ZDHHC15: variants seen among roughly 807,000 people sequenced by gnomAD.
ZDHHC15 encodes palmitoyltransferase ZDHHC15.
A neutral mutation model predicts 31.7 loss-of-function variants in ZDHHC15; 19 were observed. The observed-to-expected ratio is 0.60, with a 90% CI of 0.42 to 0.88. ZDHHC15 has a LOEUF of 0.88. Ranked by LOEUF, ZDHHC15 falls within the 40% of genes least tolerant of loss-of-function variation. The probability of loss-of-function intolerance (pLI) is 0.00; values close to 1 mark genes in which losing one functional copy is unlikely to be tolerated. For synonymous variants in ZDHHC15, 103 were observed against 90.0 expected (o/e 1.14, Z -0.82); for missense variants, 209 against 251.2 (o/e 0.83, Z 1.14).
chrX:75,453,627 T>A (rs1361998471), intron 3 of ZDHHC15, among the ~76,000 whole-genome samples: 1 of 110,807 alleles, frequency 9.0e-6, no homozygotes, highest in Non-Finnish European at 1.9e-5. Flanking sequence ...AATATCGATG[T>A]GAAAATCCTC....
Position 75,510,320 on chromosome X carries a change from TACA to T in ZDHHC15, c.137-4476_137-4474del, listed in dbSNP as rs1347863204. 2.1e-4 allele frequency among the ~76,000 whole-genome samples: 23 copies of T among 111,001 alleles called. No homozygotes were observed. In the East Asian group the frequency reaches 2.3e-3, roughly 11 times the overall value. On this transcript the variant is annotated intron_variant, in intron 1 of 11. Coordinates refer to ENST00000373367, the MANE Select transcript of ZDHHC15 (RefSeq NM_144969.3). ...CATTGGAGTTATATTAGGCATTTGT[TACA>T]ACAAGTTACTAGTCAGGTGTGATGA...
intron 4 of ZDHHC15, among the ~76,000 whole-genome samples, chrX:75,437,132 C>T (rs949830231): frequency 1.8e-5 from 2 of 111,140 alleles, no homozygotes; most frequent in Non-Finnish European, 3.8e-5. Context: ...CCGCCCGCCC[C>T]GGCCACCCAA....
At chrX:75,393,959 AT>A (rs1056914610) in intron 10 of ZDHHC15, among the ~76,000 whole-genome samples, 1 of 110,756 alleles carries the variant, frequency 9.0e-6, no homozygotes, top group Non-Finnish European at 1.9e-5. Context: ...ATCTTTTCAC[AT>A]TTTTTTGCCT....
chrX:75,517,743 T>C (rs185530515), intron 1 of ZDHHC15, among the ~76,000 whole-genome samples: 1 of 108,789 alleles, frequency 9.2e-6, no homozygotes, highest in African/African-American at 3.4e-5. Context: ...ATAATAATAA[T>C]AAAATTTTAA....
chrX:75,412,028 C>A (rs1010276562), intron 10 of ZDHHC15, among the ~76,000 whole-genome samples: 4 of 111,721 alleles, frequency 3.6e-5, no homozygotes, highest in Non-Finnish European at 7.5e-5. Context: ...AAAGGATGCT[C>A]AACATCACCA....
At chrX:75,376,212 G>C (rs2147746908) in intron 11 of ZDHHC15, among the ~76,000 whole-genome samples, 1 of 107,757 alleles carries the variant, frequency 9.3e-6, no homozygotes, top group South Asian at 4.0e-4. Flanking sequence ...GTCTTCATTT[G>C]AGAAACGTCT....
At chrX:75,451,951 T>G (rs189905175) in intron 3 of ZDHHC15, among the ~76,000 whole-genome samples, 1 of 111,418 alleles carries the variant, frequency 9.0e-6, no homozygotes, top group African/African-American at 3.3e-5. Context: ...AGACCATCGA[T>G]GCTAGGAAGA....
chrX:75,460,577 AG>A (rs1032519680), intron 3 of ZDHHC15, among the ~76,000 whole-genome samples: 2 of 110,653 alleles, frequency 1.8e-5, no homozygotes, highest in African/African-American at 6.6e-5. Context: ...GAGGTTCCAG[AG>A]GAAAGAGAAG....
rs1413078783 is a variant in ZDHHC15, at chrX:75,400,898, G to A, written c.967+16189C>T. Reference sequence around the variant, plus strand: ...GCCAAACTAAGCTTCCTAAGTGAAGGAGAAATAAGATCCTTTTCAGATAAG... The same window carrying A: ...GCCAAACTAAGCTTCCTAAGTGAAGAAGAAATAAGATCCTTTTCAGATAAG... On this transcript the variant is annotated intron_variant, in intron 10 of 11. Coordinates refer to ENST00000373367, the MANE Select transcript of ZDHHC15 (RefSeq NM_144969.3). Among the ~76,000 whole-genome samples, 4 of 111,584 alleles carry A rather than the reference G, an allele frequency of 3.6e-5. 1 individual carries two copies. The Admixed American group carries it at 3.8e-4, about 11-fold the overall frequency.
At chrX:75,517,960 G>A (rs1401394927) in intron 1 of ZDHHC15, among the ~76,000 whole-genome samples, 7 of 107,733 alleles carry the variant, frequency 6.5e-5, no homozygotes, top group East Asian at 2.9e-4. Flanking sequence ...GTGAGGTCCC[G>A]TATCAAAAAC....
intron 4 of ZDHHC15, among the ~76,000 whole-genome samples, chrX:75,444,310 C>G (rs1396621502): frequency 9.2e-6 from 1 of 108,663 alleles, no homozygotes; most frequent in Admixed American, 9.9e-5. Context: ...GAGTTCATGT[C>G]CTTTGTAGGG....
At chrX:75,479,764 T>A (rs2084660340) in intron 2 of ZDHHC15, among the ~76,000 whole-genome samples, 1 of 111,813 alleles carries the variant, frequency 8.9e-6, no homozygotes, top group African/African-American at 3.2e-5. Flanking sequence ...CATGAGGTAT[T>A]TGTCTTTCTG....
At chrX:75,426,443 CTT>C (rs1309778487) in intron 7 of ZDHHC15, among the ~76,000 whole-genome samples, 3 of 101,451 alleles carry the variant, frequency 3.0e-5, no homozygotes, top group African/African-American at 7.1e-5. Flanking sequence ...TCTTCTTAAA[CTT>C]TTTTTTTTTT....
chrX:75,433,523 T>A (rs1249363716), intron 4 of ZDHHC15, among the ~76,000 whole-genome samples: 1 of 109,976 alleles, frequency 9.1e-6, no homozygotes, highest in Non-Finnish European at 1.9e-5. Flanking sequence ...ATTGAAAACA[T>A]ATGATATTAG....
intron 1 of ZDHHC15, among the ~76,000 whole-genome samples, chrX:75,520,409 T>C (rs1045111601): frequency 4.5e-5 from 5 of 112,034 alleles, no homozygotes; most frequent in African/African-American, 9.7e-5. Flanking sequence ...CATATAGTTA[T>C]TGTGATGATT....
chrX:75,494,660 C>T (rs181421834), intron 2 of ZDHHC15, among the ~76,000 whole-genome samples: 1 of 112,057 alleles, frequency 8.9e-6, no homozygotes, highest in Non-Finnish European at 1.9e-5. Context: ...TTTGACAAAC[C>T]TGACAAAAAC....
intron 11 of ZDHHC15, among the ~76,000 whole-genome samples, chrX:75,376,095 C>A (rs1331002628): frequency 2.7e-5 from 3 of 110,907 alleles, no homozygotes; most frequent in Non-Finnish European, 5.7e-5. Context: ...TAATAATAGC[C>A]ATTCTGACTG....
chrX:75,407,218 C>A (rs1038953252), intron 10 of ZDHHC15, among the ~76,000 whole-genome samples: 1 of 111,436 alleles, frequency 9.0e-6, no homozygotes, highest in South Asian at 3.8e-4. Context: ...TCTGCCCGAC[C>A]GCCACCCCAT....
intron 3 of ZDHHC15, among the ~76,000 whole-genome samples, chrX:75,477,278 T>C (rs1477866121): frequency 1.8e-5 from 2 of 111,615 alleles, no homozygotes; most frequent in Non-Finnish European, 3.8e-5. Flanking sequence ...TGGCCTAATA[T>C]ATGGTCTATA....
Sources: gnomAD v4.1 joint callset for allele counts (sites outside exome capture counted in the v4.1 genomes callset) on GRCh38, gnomAD v4.1.1 for gene constraint, MANE v1.5 for transcripts, NCBI Gene and HGNC (gene_info 2026-07-23, HGNC 2026-07-21) for gene names.